TTLL3: variants seen among roughly 807,000 people sequenced by gnomAD.
TTLL3 encodes tubulin monoglycylase TTLL3.
Under a neutral mutation model 75.2 loss-of-function variants are expected in TTLL3, and 63 were observed. The ratio of observed to expected loss-of-function variants is 0.84; its 90% CI spans 0.68 to 1.03. The LOEUF (loss-of-function observed/expected upper bound fraction) is 1.03. TTLL3 is among the 50% of genes least tolerant of loss of function. TTLL3 has a pLI of 0.00. For missense variants in TTLL3, 997 were observed against 1,069.9 expected (o/e 0.93, Z 0.95); for synonymous variants, 393 against 418.5 (o/e 0.94, Z 0.74).
intron 4 of TTLL3, among the ~76,000 whole-genome samples, chr3:9,814,453 CG>C (rs1259683601): frequency 6.6e-6 from 1 of 152,028 alleles, no homozygotes; most frequent in East Asian, 1.9e-4. Flanking sequence ...CAAGACCAAC[CG>C]GGCCAACATG....
chr3:9,829,483 G>T (rs2081333962), intron 11 of TTLL3, 88 bp downstream of exon 11: 2 of 1,470,490 alleles, frequency 1.4e-6, no homozygotes. Flanking sequence ...TCTGCAGTCA[G>T]ACCCAGTTTA....
In TTLL3 at chr3:9,810,463, G is replaced by A; in HGVS notation, c.-42+69G>A. 4 of 1,438,086 alleles carry A rather than the reference G, an allele frequency of 2.8e-6. No individual in the cohort carries two copies. Among genetic ancestry groups the A allele is most frequent in the Non-Finnish European group, 3.6e-6 (4 of 1,099,016 alleles). 89.1% of individuals were successfully genotyped at this position (1,438,086 alleles called of 1,614,324 possible). ...GAGGACGACAAGACGCTGGGGTGGA[G>A]GGACTGGGGGTCGGGAGAAGAGCGG... is the stretch of plus-strand genomic sequence containing the variant. On this transcript the variant is annotated intron_variant, in intron 1 of 13. Transcript: ENST00000685419. The surrounding 1 kb of genome is among the most constrained non-coding windows in gnomAD (Gnocchi z 4.4).
intron 2 of TTLL3, 113 bp from the exon 3 acceptor site, chr3:9,812,830 A>G: frequency 8.1e-7 from 1 of 1,234,890 alleles, no homozygotes; most frequent in Non-Finnish European, 1.1e-6. Flanking sequence ...TCCTAATGGA[A>G]TATAAAAATT....
chr3:9,819,621 T>C (rs1559739821), intron 7 of TTLL3: 1 of 985,502 alleles, frequency 1.0e-6, no homozygotes, highest in Non-Finnish European at 1.2e-6. Flanking sequence ...ACCCTCACTA[T>C]CATGCATGCC....
chr3:9,834,230 T>G (rs2081871909), intron 12 of TTLL3: 1 of 368,892 alleles, frequency 2.7e-6, no homozygotes, highest in Non-Finnish European at 5.4e-6. Flanking sequence ...TGCCAGGACT[T>G]AAGCCCAGGT....
intron 11 of TTLL3, among the ~76,000 whole-genome samples, chr3:9,832,159 C>T (rs1227668688): frequency 7.0e-6 from 1 of 141,910 alleles, no homozygotes; most frequent in Non-Finnish European, 1.5e-5. Context: ...GATCTCGGCT[C>T]ACTGCAACTT....
intron 12 of TTLL3, among the ~76,000 whole-genome samples, chr3:9,833,562 G>C (rs577410761): frequency 1.3e-5 from 2 of 152,144 alleles, no homozygotes; most frequent in African/African-American, 2.4e-5. Context: ...CAAAACACCC[G>C]AGTGTTCCAA....
At chr3:9,813,609 G>T (rs1317936514) in intron 4 of TTLL3, among the ~76,000 whole-genome samples, 3 of 151,658 alleles carry the variant, frequency 2.0e-5, no homozygotes, top group African/African-American at 7.3e-5. Context: ...GTAAGACTCA[G>T]TCTCTACAAA....
At chr3:9,825,552 AG>A (rs1348130137) in intron 8 of TTLL3, 4 of 566,168 alleles carry the variant, frequency 7.1e-6, no homozygotes, top group African/African-American at 3.7e-5. Flanking sequence ...GTGTTGGAGT[AG>A]GGGGTGGTTT....
chr3:9,820,612 C>T lies in TTLL3; in HGVS notation c.725C>T (p.Ala242Val). The T allele has an allele frequency of 6.2e-7, 1 of 1,614,090 alleles. No homozygotes were observed. The highest frequency in any genetic ancestry group is 8.5e-7 in the Non-Finnish European group (1 of 1,179,998). The change falls in exon 8 of 14, where the codon GCT (alanine) becomes GTT (valine). Residue 242 changes from alanine (A) to valine (V), a missense_variant. Transcript: ENST00000685419. ...VLVSPEFVDE[A>V]LCACEEYLSN... is the part of the protein sequence containing the mutation. ...GTGTCCCCAGAGTTTGTGGATGAAG[C>T]TCTGTGTGCGTGCGAGGAGTACCTT... is the stretch of plus-strand genomic sequence containing the variant.
chr3:9,834,519 C>T, intron 12 of TTLL3, 162 bp from the exon 13 acceptor site: 2 of 1,164,800 alleles, frequency 1.7e-6, no homozygotes, highest in South Asian at 2.6e-5. Flanking sequence ...TTGGACTCTA[C>T]CCTGTTTTCT....
chr3:9,829,658 G>A (rs1275511926), intron 11 of TTLL3, among the ~76,000 whole-genome samples: 1 of 152,144 alleles, frequency 6.6e-6, no homozygotes, highest in Non-Finnish European at 1.5e-5. Context: ...ATATAGCATA[G>A]CCATAAGAGC....
In TTLL3 at chr3:9,829,158, C is replaced by G; in HGVS notation, c.1446C>G (p.Ser482=). The change falls in exon 11 of 14, where the codon TCC becomes TCG. Residue 482 remains serine, a synonymous_variant. Coordinates refer to ENST00000685419, the MANE Select transcript of TTLL3 (RefSeq NM_001387446.1). ...CTGTGATCCACGCACTTCAGACCTCCCAGGACACCGTGCAGTGTCGGAAGG... is the reference window on the plus strand; with the variant it reads ...CTGTGATCCACGCACTTCAGACCTCGCAGGACACCGTGCAGTGTCGGAAGG... The part of the protein sequence containing the change: ...KDAVIHALQT[S]QDTVQCRKAS... The G allele has an allele frequency of 6.2e-7, 1 of 1,614,212 alleles. No individual in the cohort carries two copies. Among genetic ancestry groups the G allele is most frequent in the Non-Finnish European group, 8.5e-7 (1 of 1,180,024 alleles).
At chr3:9,831,844 G>C (rs1348668933) in intron 11 of TTLL3, among the ~76,000 whole-genome samples, 2 of 146,364 alleles carry the variant, frequency 1.4e-5, no homozygotes, top group African/African-American at 5.1e-5. Flanking sequence ...TGCCACCCAG[G>C]CTGGAGTGCA....
At position 9,817,706 on chromosome 3, in the gene TTLL3, T is replaced by C. The variant is rs747087418; in HGVS notation, c.506T>C (p.Phe169Ser). 1.9e-5 allele frequency: 30 copies of C among 1,613,884 alleles called. No homozygotes were observed. The highest frequency in any genetic ancestry group is 5.5e-5 in the South Asian group (5 of 91,086). Residue 169 changes from phenylalanine to serine, a missense_variant, in exon 6 of 14, where the codon TTC becomes TCC. Coordinates refer to ENST00000685419, the MANE Select transcript of TTLL3 (RefSeq NM_001387446.1). ...TTTGATGAGGTTGATGCCAACTCCTTCTTCCCACGCTGCTACTGCCTGGGG... is the reference window on the plus strand; with the variant it reads ...TTTGATGAGGTTGATGCCAACTCCTCCTTCCCACGCTGCTACTGCCTGGGG... The part of the protein sequence containing the change: ...PWFDEVDANS[F>S]FPRCYCLGAE...
intron 2 of TTLL3, 85 bp from the exon 3 acceptor site, chr3:9,812,858 A>G: frequency 1.4e-6 from 2 of 1,395,156 alleles, no homozygotes; most frequent in Non-Finnish European, 1.9e-6. Context: ...GGCAGAGTCC[A>G]TAACTGTCTG....
intron 10 of TTLL3, 161 bp downstream of exon 10, chr3:9,827,401 C>A: frequency 7.4e-7 from 1 of 1,356,332 alleles, no homozygotes; most frequent in Non-Finnish European, 9.7e-7. Context: ...TTGCATCCAA[C>A]AGATTTTTTT....
intron 6 of TTLL3, chr3:9,818,154 A>G: frequency 5.5e-6 from 1 of 180,920 alleles, no homozygotes; most frequent in Non-Finnish European, 1.2e-5. Flanking sequence ...TTCTAAATTC[A>G]GGTTAGAATT....
In TTLL3 at chr3:9,818,836, ACTG is replaced by A; in HGVS notation, c.579_581del (p.Ala194del). The A allele has an allele frequency of 6.2e-7, 1 of 1,614,112 alleles. No individual in the cohort carries two copies. On this transcript the variant is annotated inframe_deletion, in exon 7 of 14. Transcript: ENST00000685419. ...CCTGGGAGCAGAGGACTTCTGGCTGACTGCTGCCCGCAACGTTCTCAAGCTGGT... is the reference window on the plus strand; with the variant it reads ...CCTGGGAGCAGAGGACTTCTGGCTGACTGCCCGCAACGTTCTCAAGCTGGT...
Sources: allele counts gnomAD v4.1 joint callset (sites outside exome capture counted in the v4.1 genomes callset), GRCh38; gene constraint gnomAD v4.1.1; non-coding constraint Gnocchi (gnomAD v3.1); transcripts MANE v1.5; gene names NCBI Gene and HGNC (gene_info 2026-07-23, HGNC 2026-07-21).